Variants in ASTE1 observed in about 807,000 individuals in gnomAD.
ASTE1 encodes the protein single-strand DNA endonuclease ASTE1.
Under a neutral mutation model 45.8 loss-of-function variants are expected in ASTE1, and 49 were observed. The ratio of observed to expected loss-of-function variants is 1.07; its 90% CI spans 0.85 to 1.36. ASTE1 has a LOEUF of 1.36. Among genes scored for constraint, ASTE1 ranks in the 40% most tolerant of loss-of-function variants. The pLI is 0.00. For synonymous variants in ASTE1, 296 were observed against 303.9 expected (o/e 0.97, Z 0.27); for missense variants, 709 against 804.0 (o/e 0.88, Z 1.43).
At chr3:131,015,911 T>A (rs902703477) in intron 5 of ASTE1, 12 of 642,920 alleles carry the variant, frequency 1.9e-5, no homozygotes, top group East Asian at 3.2e-5. Context: ...ACTGATTTTT[T>A]AAAATTGGAT....
Position 131,025,053 on chromosome 3 carries a change from G to T in ASTE1, c.254C>A (p.Ser85Ter), listed in dbSNP as rs116662252. 6.2e-7 allele frequency: 1 copy of T among 1,606,486 alleles called. No individual in the cohort carries two copies. The highest frequency in any genetic ancestry group is 1.3e-5 in the African/African-American group (1 of 74,590). ...CTTTAAAGTTGTAAGCTTTTTATCT[G>T]AAATGTCACATCCTCCATCTAATAC... ...YVVLDGGCDI[S>*]DKKLTTLKDR... is the part of the protein sequence containing the mutation. The change falls in exon 3 of 6, where the codon TCA (serine) becomes TAA (stop). Residue 85 changes from serine (S) to a stop codon, truncating the protein, a stop_gained. Coordinates refer to ENST00000264992, the MANE Select transcript of ASTE1 (RefSeq NM_014065.4). LOFTEE classifies it high-confidence loss of function.
In ASTE1 at chr3:131,014,058, T is replaced by C; in HGVS notation, c.2039A>G (p.Ter680=). The change falls in exon 6 of 6, where the codon TAA becomes TGA. Residue 680 remains the stop codon, a stop_retained_variant. Coordinates refer to ENST00000264992, the MANE Select transcript of ASTE1 (RefSeq NM_014065.4). ...ATCTAGTTTGATGCAAACTGAGTTTTATTCAATGTTGGAGGCCTCACTATG... is the reference window on the plus strand; with the variant it reads ...ATCTAGTTTGATGCAAACTGAGTTTCATTCAATGTTGGAGGCCTCACTATG... ...EEHSEASNIE[*] 6.4e-7 allele frequency: 1 copy of C among 1,562,482 alleles called. No homozygotes were observed. The highest frequency in any genetic ancestry group is 1.2e-5 in the South Asian group (1 of 83,838).
At chr3:131,019,338 G>A (rs1037071240) in intron 3 of ASTE1, among the ~76,000 whole-genome samples, 2 of 152,180 alleles carry the variant, frequency 1.3e-5, no homozygotes, top group South Asian at 4.1e-4. Flanking sequence ...TTGTCCCAGG[G>A]TGGCTGCTTG....
At chr3:131,016,981 G>T in intron 4 of ASTE1, 1 of 1,288,818 alleles carries the variant, frequency 7.8e-7, no homozygotes, top group Non-Finnish European at 1.0e-6. Context: ...TAATAAAAAG[G>T]AGGCCCACCT....
chr3:131,026,097 ACT>A (rs1464922088), intron 1 of ASTE1: 4 of 145,700 alleles, frequency 2.7e-5, no homozygotes, highest in African/African-American at 1.0e-4. Context: ...ACAGCACGGT[ACT>A]GTTACTATTA....
intron 3 of ASTE1, among the ~76,000 whole-genome samples, chr3:131,022,905 G>A (rs2063762601): frequency 1.3e-5 from 2 of 152,048 alleles, no homozygotes; most frequent in Admixed American, 6.6e-5. Context: ...CTTTGTTATG[G>A]GACACTTTCC....
rs1418909069 is a variant in ASTE1, at chr3:131,016,090, C to A, written c.1709+54G>T. On this transcript the variant is annotated intron_variant, in intron 5 of 5. Transcript: ENST00000264992. The stretch of plus-strand genomic sequence containing the variant: ...GTTGCTTTAAATATAAGTGAAAATA[C>A]TGTATTTACTTTTGTGTGCTTCCAT... 7.1e-6 allele frequency: 11 copies of A among 1,539,514 alleles called. No individual in the cohort carries two copies. The East Asian group carries it at 1.6e-4, about 23-fold the overall frequency.
chr3:131,020,536 C>T (rs1250464325), intron 3 of ASTE1, among the ~76,000 whole-genome samples: 1 of 152,052 alleles, frequency 6.6e-6, no homozygotes, highest in African/African-American at 2.4e-5. Context: ...AAATGAAACC[C>T]TATCCCATGT....
chr3:131,022,315 T>C (rs1183368341), intron 3 of ASTE1, among the ~76,000 whole-genome samples: 1 of 152,078 alleles, frequency 6.6e-6, no homozygotes, highest in African/African-American at 2.4e-5. Flanking sequence ...GTCATAAAAG[T>C]CATCCTTTTA....
At position 131,025,535 on chromosome 3, in the gene ASTE1, A is replaced by G; in HGVS notation, c.-87T>C. The G allele has an allele frequency of 1.5e-6, 1 of 652,502 alleles. No individual in the cohort carries two copies. The highest frequency in any genetic ancestry group is 2.4e-6 in the Non-Finnish European group (1 of 424,336). 40.4% of individuals were successfully genotyped at this position (652,502 alleles called of 1,614,324 possible). A position where few individuals can be genotyped will look rare whatever the true frequency, so the allele number is the denominator to read the frequency against. ...TCTCCTTTGCTTTCTGATACAAGGC[A>G]CAAATTCAATGGTTTCATGGGTTGT... On this transcript the variant is annotated 5_prime_UTR_variant, in exon 2 of 6. Coordinates refer to ENST00000264992, the MANE Select transcript of ASTE1 (RefSeq NM_014065.4).
In ASTE1 at chr3:131,014,033, A is replaced by T. The variant is rs368694433; in HGVS notation, c.*24T>A. On this transcript the variant is annotated 3_prime_UTR_variant, in exon 6 of 6. Transcript: ENST00000264992. Reference sequence around the variant, plus strand: ...TTTAAGTAAGGATTATATTAAATACATCTAGTTTGATGCAAACTGAGTTTT... The same window carrying T: ...TTTAAGTAAGGATTATATTAAATACTTCTAGTTTGATGCAAACTGAGTTTT... 1.1e-5 allele frequency: 16 copies of T among 1,488,320 alleles called. No individual in the cohort carries two copies. The African/African-American group carries it at 2.1e-4, about 20-fold the overall frequency. The allele number at this position is 1,488,320 out of a possible 1,614,324, so 92.2% of individuals were successfully genotyped here. A position where few individuals can be genotyped will look rare whatever the true frequency, so the allele number is the denominator to read the frequency against.
At chr3:131,021,535 AG>A (rs1299030004) in intron 3 of ASTE1, among the ~76,000 whole-genome samples, 1 of 152,218 alleles carries the variant, frequency 6.6e-6, no homozygotes, top group Non-Finnish European at 1.5e-5. Context: ...AGAGTTGCAG[AG>A]CGAGTGACTG....
Position 131,025,471 on chromosome 3 carries a change from T to TA in ASTE1, c.-26+2dup. 2 of 1,150,294 alleles carry TA rather than the reference T, an allele frequency of 1.7e-6. No individual in the cohort carries two copies. Among genetic ancestry groups the TA allele is most frequent in the Non-Finnish European group, 2.3e-6 (2 of 859,590 alleles). The allele number at this position is 1,150,294 out of a possible 1,614,324, so 71.3% of individuals were successfully genotyped here. ...CATAGATATCAACATCATAAATTCT[T>TA]ACCTAGATCCTCAAGCAATGTTAGC... On this transcript the variant is annotated splice_region_variant and intron_variant, in intron 2 of 5. Coordinates refer to ENST00000264992, the MANE Select transcript of ASTE1 (RefSeq NM_014065.4).
Position 131,024,524 on chromosome 3 carries a change from A to C in ASTE1, c.783T>G (p.Asn261Lys). The C allele has an allele frequency of 1.2e-6, 2 of 1,614,176 alleles. No homozygotes were observed. The highest frequency in any genetic ancestry group is 1.7e-6 in the Non-Finnish European group (2 of 1,180,040). ...TAGGGTTGGCAAAATGAGACAACCA[A>C]TTCAGAAGTCCCAGGATTCGGTGGT... is the stretch of plus-strand genomic sequence containing the variant. The part of the protein sequence containing the change: ...RRHHRILGLL[N>K]WLSHFANPTE... Residue 261 changes from asparagine (N) to lysine (K), a missense_variant, in exon 3 of 6, where the codon AAT becomes AAG. Transcript: ENST00000264992.
At chr3:131,016,779 G>C (rs555411451) in intron 4 of ASTE1, 1 of 348,052 alleles carries the variant, frequency 2.9e-6, no homozygotes, top group Non-Finnish European at 5.5e-6. Flanking sequence ...TTTGACCTCT[G>C]TGTTTTATAG....
At chr3:131,016,618 T>G in intron 4 of ASTE1, 1 of 439,726 alleles carries the variant, frequency 2.3e-6, no homozygotes, top group Non-Finnish European at 4.1e-6. Context: ...CATAAACATG[T>G]CTGCATTTGA....
At chr3:131,022,167 G>A (rs1471024775) in intron 3 of ASTE1, among the ~76,000 whole-genome samples, 1 of 152,200 alleles carries the variant, frequency 6.6e-6, no homozygotes, top group African/African-American at 2.4e-5. Context: ...GCAGTGTCTT[G>A]TAAGTAGGAT....
chr3:131,026,512 C>T lies in ASTE1; in HGVS notation c.-152G>A, dbSNP rs1335664148. Reference sequence around the variant, plus strand: ...CTGCAGCAGAGCCCACCTACTCTGTCCTCCCAGAGGAGTAGCTCCTCCATC... The same window carrying T: ...CTGCAGCAGAGCCCACCTACTCTGTTCTCCCAGAGGAGTAGCTCCTCCATC... On this transcript the variant is annotated 5_prime_UTR_variant, in exon 1 of 6. Transcript: ENST00000264992. The T allele has an allele frequency of 6.5e-6, 1 of 152,744 alleles. No individual in the cohort carries two copies. Among genetic ancestry groups the T allele is most frequent in the Non-Finnish European group, 1.5e-5 (1 of 68,494 alleles). 9.5% of individuals were successfully genotyped at this position (152,744 alleles called of 1,614,324 possible).
At chr3:131,016,043 GTTTTT>G in intron 5 of ASTE1, 96 bp downstream of exon 5, 1 of 1,270,864 alleles carries the variant, frequency 7.9e-7, no homozygotes, top group Non-Finnish European at 1.1e-6. Flanking sequence ...TTTTGTTTTG[GTTTTT>G]TTTTTTAAGT....
Sources: allele counts gnomAD v4.1 joint callset (sites outside exome capture counted in the v4.1 genomes callset), GRCh38; gene constraint gnomAD v4.1.1; transcripts MANE v1.5; gene names NCBI Gene and HGNC (gene_info 2026-07-23, HGNC 2026-07-21).